Variants in NIPBL observed in about 807,000 individuals in gnomAD.
The protein encoded by NIPBL is NIPBL cohesin loading factor, also known as nipped-B-like protein.
Under a neutral mutation model 321.8 loss-of-function variants are expected in NIPBL, and 19 were observed. That is an observed-to-expected ratio of 0.06 (90% CI 0.04 to 0.09). NIPBL has a LOEUF of 0.09. NIPBL is among the 10% of genes least tolerant of loss of function. The pLI is 1.00. For synonymous variants in NIPBL, 1,106 were observed against 1,114.1 expected, an observed-to-expected ratio of 0.99 and a Z score of 0.14; for missense variants, 2,210 against 3,327.0, an observed-to-expected ratio of 0.66 and a Z score of 8.26.
Position 36,985,366 on chromosome 5 carries a change from G to A in NIPBL, c.2186G>A (p.Gly729Asp). 6.2e-7 allele frequency: 1 copy of A among 1,613,614 alleles called. No homozygotes were observed. Among genetic ancestry groups the A allele is most frequent in the Non-Finnish European group, 8.5e-7 (1 of 1,179,908 alleles). Residue 729 changes from glycine (G) to aspartate (D), a missense_variant, in exon 10 of 47, where the codon GGT (glycine) becomes GAT (aspartate). Physicochemically the swap from Gly to Asp is moderately conservative, Grantham distance 94. Transcript: ENST00000282516. ...CATCCTGAAACCCCAAAACAGAAGG[G>A]TGATGGAAGGCCTGAAACTCCAAAG... ...DGHPETPKQK[G>D]DGRPETPKQK...
At chr5:37,030,458 G>T (rs754699575) in intron 32 of NIPBL, among the ~76,000 whole-genome samples, 7 of 152,140 alleles carry the variant, frequency 4.6e-5, no homozygotes, top group Non-Finnish European at 7.4e-5. Context: ...AAGCTAGGAA[G>T]GATATAAAGA....
intron 32 of NIPBL, among the ~76,000 whole-genome samples, chr5:37,036,016 T>C (rs1285784556): frequency 2.0e-5 from 3 of 152,098 alleles, no homozygotes; most frequent in Admixed American, 2.0e-4. Context: ...TTTAAAATAA[T>C]TCAACTAGTA....
intron 2 of NIPBL, among the ~76,000 whole-genome samples, chr5:36,954,200 T>C (rs917058113): frequency 1.1e-4 from 17 of 152,148 alleles, no homozygotes; most frequent in Admixed American, 5.2e-4. Flanking sequence ...GAAAAAGATA[T>C]GAGAGGGAAG....
intron 1 of NIPBL, among the ~76,000 whole-genome samples, chr5:36,893,960 C>T (rs1561356101): frequency 6.6e-6 from 1 of 152,088 alleles, no homozygotes; most frequent in African/African-American, 2.4e-5. Context: ...TGTGAACTGA[C>T]CTATCTGTTC....
chr5:37,006,929 T>C (rs1747505359), intron 17 of NIPBL, among the ~76,000 whole-genome samples: 1 of 151,930 alleles, frequency 6.6e-6, no homozygotes, highest in Admixed American at 6.6e-5. Flanking sequence ...CCTTTATAAA[T>C]GAGCAATGAA....
At chr5:37,057,141 C>T (rs1375032009) in intron 42 of NIPBL, 45 bp from the exon 43 acceptor site, 1 of 1,607,038 alleles carries the variant, frequency 6.2e-7, no homozygotes, top group Non-Finnish European at 8.5e-7. Flanking sequence ...GGTTGGGTTT[C>T]TAGATTATCC....
chr5:36,985,084 C>T lies in NIPBL; in HGVS notation c.1904C>T (p.Ser635Leu). 6.2e-7 allele frequency: 1 copy of T among 1,613,696 alleles called. No homozygotes were observed. Among genetic ancestry groups the T allele is most frequent in the Non-Finnish European group, 8.5e-7 (1 of 1,179,892 alleles). ...GAAAACCGATTGGTGGAGACAAAAT[C>T]AAGTGAAAATAAGTTAGAAACTAAA... is the stretch of plus-strand genomic sequence containing the variant. Reference protein sequence around the residue: ...PNENRLVETKSSENKLETKVE... With the variant: ...PNENRLVETKLSENKLETKVE... Residue 635 changes from serine (S) to leucine (L), a missense_variant, in exon 10 of 47, where the codon TCA becomes TTA. Ser to Leu is a moderately radical substitution (Grantham distance 145). This residue lies in a region of NIPBL where 588 missense variants were observed against 564.1 expected (regional missense o/e 1.04). Coordinates refer to ENST00000282516, the MANE Select transcript of NIPBL (RefSeq NM_133433.4).
At chr5:37,006,118 TTGTC>T (rs1255086947) in intron 16 of NIPBL, among the ~76,000 whole-genome samples, 3 of 152,090 alleles carry the variant, frequency 2.0e-5, no homozygotes, top group Non-Finnish European at 4.4e-5. Flanking sequence ...AATTATAACT[TTGTC>T]AGTAGGGTGT....
chr5:37,031,704 T>C (rs1185777046), intron 32 of NIPBL, among the ~76,000 whole-genome samples: 1 of 152,220 alleles, frequency 6.6e-6, no homozygotes, highest in Non-Finnish European at 1.5e-5. Flanking sequence ...ATTTTATCTC[T>C]ATCAACCAGT....
intron 1 of NIPBL, among the ~76,000 whole-genome samples, chr5:36,880,595 A>G (rs889958617): frequency 6.6e-6 from 1 of 152,040 alleles, no homozygotes; most frequent in Non-Finnish European, 1.5e-5. Context: ...GAACCTTTAT[A>G]GAAGGCTGAC....
At chr5:37,031,330 C>CT (rs1750997612) in intron 32 of NIPBL, among the ~76,000 whole-genome samples, 1 of 152,100 alleles carries the variant, frequency 6.6e-6, no homozygotes, top group Non-Finnish European at 1.5e-5. Context: ...CCTTTATAAC[C>CT]TTTAACAATT....
intron 10 of NIPBL, among the ~76,000 whole-genome samples, chr5:36,993,433 G>A (rs1745772665): frequency 6.6e-6 from 1 of 152,138 alleles, no homozygotes; most frequent in South Asian, 2.1e-4. Context: ...TTGGATATAA[G>A]GCATAGGTTA....
At chr5:36,967,345 T>A (rs970298481) in intron 6 of NIPBL, among the ~76,000 whole-genome samples, 8 of 152,274 alleles carry the variant, frequency 5.3e-5, no homozygotes, top group Non-Finnish European at 1.0e-4. Flanking sequence ...ATCTATCATA[T>A]AATTTAAAAT....
chr5:37,060,816 A>T (rs771351266), intron 44 of NIPBL, 28 bp from the exon 45 acceptor site: 1 of 1,599,082 alleles, frequency 6.3e-7, no homozygotes, highest in South Asian at 1.1e-5. Flanking sequence ...ATAGTTTTAA[A>T]GTTTTTGGTT....
chr5:37,000,533 C>G lies in NIPBL; in HGVS notation c.3465C>G (p.Asp1155Glu), dbSNP rs1267868026. Residue 1155 changes from aspartate (D) to glutamate (E), a missense_variant, in exon 12 of 47, where the codon GAC becomes GAG. Transcript: ENST00000282516. Reference protein sequence around the residue: ...RYRNRSPSDSDMEDYSPPPSL... With the variant: ...RYRNRSPSDSEMEDYSPPPSL... ...GAAACCGAAGTCCGTCAGATTCTGACATGGAAGATTATTCTCCTCCTCCCA... is the reference window on the plus strand; with the variant it reads ...GAAACCGAAGTCCGTCAGATTCTGAGATGGAAGATTATTCTCCTCCTCCCA... 5 of 1,613,430 alleles carry G rather than the reference C, an allele frequency of 3.1e-6. No individual in the cohort carries two copies. In the South Asian group the frequency reaches 4.4e-5, roughly 14 times the overall value.
rs2149670244 is a variant in NIPBL at position 37,001,022 on chromosome 5, C to T, written c.3608C>T (p.Thr1203Ile). 1 of 1,611,938 alleles carries T rather than the reference C, an allele frequency of 6.2e-7. No homozygotes were observed. Among genetic ancestry groups the T allele is most frequent in the African/African-American group, 1.3e-5 (1 of 74,974 alleles). ...MMDSSTFKRF[T>I]ASIENILDNL... The stretch of plus-strand genomic sequence containing the variant: ...GACTCTTCAACTTTTAAGAGATTCA[C>T]AGCCTCAATAGAGAATATTTTGGAT... Residue 1203 changes from threonine to isoleucine, a missense_variant, in exon 14 of 47, where the codon ACA becomes ATA. By Grantham distance (89) the Thr-to-Ile change is moderately conservative. Coordinates refer to ENST00000282516, the MANE Select transcript of NIPBL (RefSeq NM_133433.4).
chr5:36,916,339 CTT>C (rs1229357867), intron 1 of NIPBL, among the ~76,000 whole-genome samples: 17 of 152,152 alleles, frequency 1.1e-4, no homozygotes, highest in Non-Finnish European at 2.1e-4. Flanking sequence ...TCTTCTGAAA[CTT>C]TTTAACAATA....
In NIPBL at chr5:37,048,694, T is replaced by G; in HGVS notation, c.6763+19T>G. On this transcript the variant is annotated intron_variant, in intron 39 of 46. Transcript: ENST00000282516. Reference sequence around the variant, plus strand: ...AGAGACTGTAAGTGAAAATATATTTTTAAATTTCATAGCTACATTTATATT... The same window carrying G: ...AGAGACTGTAAGTGAAAATATATTTGTAAATTTCATAGCTACATTTATATT... 11 of 1,540,624 alleles carry G rather than the reference T, an allele frequency of 7.1e-6. No homozygotes were observed. Among genetic ancestry groups the G allele is most frequent in the Non-Finnish European group, 9.8e-6 (11 of 1,117,628 alleles).
chr5:36,892,868 A>G (rs553304505), intron 1 of NIPBL, among the ~76,000 whole-genome samples: 4 of 152,178 alleles, frequency 2.6e-5, no homozygotes, highest in African/African-American at 4.8e-5. Flanking sequence ...CAGCACACCA[A>G]CATGGCACAT....
Sources: allele counts gnomAD v4.1 joint callset (sites outside exome capture counted in the v4.1 genomes callset), GRCh38; gene constraint gnomAD v4.1.1; regional missense constraint gnomAD v4.1.1; transcripts MANE v1.5; gene names NCBI Gene and HGNC (gene_info 2026-07-23, HGNC 2026-07-21).